Variants in CNBD1 observed in about 807,000 individuals in gnomAD.
The protein encoded by CNBD1 is cyclic nucleotide-binding domain-containing protein 1.
In CNBD1, 71 loss-of-function variants were observed where a neutral mutation model predicts 54.4. That is an observed-to-expected ratio of 1.30 (90% CI 1.08 to 1.59). The LOEUF (loss-of-function observed/expected upper bound fraction) is 1.59, where lower values mean the gene tolerates loss of function less well. CNBD1 is among the 40% of genes most tolerant of loss of function. CNBD1 has a pLI of 0.00. For missense variants in CNBD1, 659 were observed against 518.0 expected (o/e 1.27, Z -2.64); for synonymous variants, 182 against 170.7 (o/e 1.07, Z -0.51).
chr8:87,390,304 A>G (rs1811281460), intron 2 of CNBD1, among the ~76,000 whole-genome samples: 1 of 152,220 alleles, frequency 6.6e-6, no homozygotes, highest in Admixed American at 6.5e-5. Flanking sequence ...CATCAGAGTG[A>G]ACAGGCAACC....
intron 4 of CNBD1, among the ~76,000 whole-genome samples, chr8:87,201,988 T>C (rs112803781): frequency 0.023 from 3,465 of 152,250 alleles, 127 homozygotes; most frequent in African/African-American, 0.075. Context: ...CATAGTTTGT[T>C]TGATAGAAGT....
intron 8 of CNBD1, among the ~76,000 whole-genome samples, chr8:87,321,270 G>A (rs1036172364): frequency 6.6e-6 from 1 of 152,084 alleles, no homozygotes; most frequent in African/African-American, 2.4e-5. Flanking sequence ...TTCCATAATA[G>A]CTGCAACATT....
intron 4 of CNBD1, among the ~76,000 whole-genome samples, chr8:87,122,811 A>G (rs1297096253): frequency 6.6e-6 from 1 of 151,900 alleles, no homozygotes; most frequent in East Asian, 1.9e-4. Flanking sequence ...TAATCTGAAG[A>G]CAGTGTTTTT....
intron 4 of CNBD1, among the ~76,000 whole-genome samples, chr8:87,140,093 C>A (rs1812341910): frequency 6.6e-6 from 1 of 152,144 alleles, no homozygotes; most frequent in African/African-American, 2.4e-5. Context: ...GATCCATCTT[C>A]TGTGTCCCAC....
chr8:87,199,697 T>TCCTCACAAGATTCC (rs1196631398), intron 4 of CNBD1, among the ~76,000 whole-genome samples: 1 of 152,208 alleles, frequency 6.6e-6, no homozygotes, highest in Non-Finnish European at 1.5e-5. Context: ...TGTTTCCTTC[T>TCCTCACAAGATTCC]CCTCACAAGA....
chr8:87,337,649 G>A (rs1370411042), intron 8 of CNBD1, among the ~76,000 whole-genome samples: 1 of 152,190 alleles, frequency 6.6e-6, no homozygotes, highest in Non-Finnish European at 1.5e-5. Context: ...CACTTTTGTG[G>A]AAAAACCACA....
intron 10 of CNBD1, among the ~76,000 whole-genome samples, chr8:87,365,135 C>G (rs1200506530): frequency 6.6e-6 from 1 of 152,052 alleles, no homozygotes; most frequent in Admixed American, 6.6e-5. Flanking sequence ...CCCCTTTTCT[C>G]CACAACCTTG....
chr8:87,034,658 G>A (rs924911349), intron 4 of CNBD1, among the ~76,000 whole-genome samples: 6 of 152,002 alleles, frequency 3.9e-5, no homozygotes, highest in South Asian at 2.1e-4. Context: ...ACATAGACTC[G>A]TATATAATAT....
intron 8 of CNBD1, among the ~76,000 whole-genome samples, chr8:87,335,712 T>G (rs893012929): frequency 6.6e-6 from 1 of 152,166 alleles, no homozygotes; most frequent in African/African-American, 2.4e-5. Context: ...ACATTTAAGG[T>G]TAATATGGTT....
At chr8:87,024,251 A>AG in intron 4 of CNBD1, among the ~76,000 whole-genome samples, 1 of 139,362 alleles carries the variant, frequency 7.2e-6, no homozygotes, top group South Asian at 2.1e-4. Context: ...AAAAAAAGAA[A>AG]AAAAAAAAAA....
chr8:87,079,177 T>C (rs1032712030), intron 4 of CNBD1, among the ~76,000 whole-genome samples: 3 of 152,102 alleles, frequency 2.0e-5, no homozygotes, highest in African/African-American at 7.2e-5. Flanking sequence ...CATCCAAGTT[T>C]TGTGGTAATC....
downstream of CNBD1, among the ~76,000 whole-genome samples, chr8:87,387,846 A>G (rs976567464): frequency 6.6e-6 from 1 of 152,208 alleles, no homozygotes; most frequent in Non-Finnish European, 1.5e-5. Context: ...AATTGACCAC[A>G]TAGTTGGAAG....
At chr8:87,022,765 G>T (rs901258591) in intron 4 of CNBD1, among the ~76,000 whole-genome samples, 11 of 152,152 alleles carry the variant, frequency 7.2e-5, no homozygotes, top group African/African-American at 1.9e-4. Context: ...GAGTCTAATT[G>T]CAAGTTGATT....
intron 8 of CNBD1, among the ~76,000 whole-genome samples, chr8:87,314,157 A>C (rs979761603): frequency 2.5e-4 from 38 of 151,988 alleles, no homozygotes; most frequent in African/African-American, 8.7e-4. Context: ...GACAAAGATA[A>C]TATAAAAAAA....
intron 4 of CNBD1, among the ~76,000 whole-genome samples, chr8:87,146,449 A>T (rs181301930): frequency 9.8e-5 from 15 of 152,290 alleles, no homozygotes; most frequent in Non-Finnish European, 1.8e-4. Flanking sequence ...CTTTAGTCCT[A>T]AGTGTCAAAT....
chr8:87,059,484 A>G (rs1810496668), intron 4 of CNBD1, among the ~76,000 whole-genome samples: 1 of 152,232 alleles, frequency 6.6e-6, no homozygotes, highest in Non-Finnish European at 1.5e-5. Flanking sequence ...AGGAAAGAGG[A>G]TAACTTGACT....
intron 10 of CNBD1, among the ~76,000 whole-genome samples, chr8:87,370,682 G>A (rs1469487836): frequency 6.6e-6 from 1 of 150,986 alleles, no homozygotes; most frequent in East Asian, 1.9e-4. Context: ...TAGGTTGCCT[G>A]TTCACTCTGA....
intron 4 of CNBD1, among the ~76,000 whole-genome samples, chr8:87,146,037 G>A (rs1812479854): frequency 6.6e-6 from 1 of 152,064 alleles, no homozygotes; most frequent in Admixed American, 6.6e-5. Context: ...CTCTGCATTG[G>A]AAGGTGAAGT....
chr8:87,237,292 A>T (rs1011372877), intron 6 of CNBD1, 180 bp downstream of exon 6: 3 of 417,496 alleles, frequency 7.2e-6, no homozygotes, highest in Admixed American at 4.1e-5. Flanking sequence ...TTTTTGATAA[A>T]GGATGCCTTC....
Sources: allele counts gnomAD v4.1 joint callset (sites outside exome capture counted in the v4.1 genomes callset), GRCh38; gene constraint gnomAD v4.1.1; transcripts MANE v1.5; gene names NCBI Gene and HGNC (gene_info 2026-07-23, HGNC 2026-07-21).